Variants in DPP6 observed in about 807,000 individuals in gnomAD.
DPP6 encodes the protein A-type potassium channel modulatory protein DPP6.
In DPP6, 69 loss-of-function variants were observed where a neutral mutation model predicts 122.6. The observed-to-expected ratio is 0.56, with a 90% confidence interval of 0.46 to 0.69. The LOEUF (loss-of-function observed/expected upper bound fraction) is 0.69. Among genes scored for constraint, DPP6 ranks in the 30% least tolerant of loss-of-function variants. DPP6 has a pLI of 0.00. For synonymous variants in DPP6, 418 were observed against 433.1 expected (o/e 0.97, Z 0.43); for missense variants, 928 against 1,116.9 (o/e 0.83, Z 2.41).
chr7:154,683,005 C>T (rs1309981075), intron 7 of DPP6, among the ~76,000 whole-genome samples: 1 of 151,980 alleles, frequency 6.6e-6, no homozygotes, highest in African/African-American at 2.4e-5. Context: ...TGTGTAATAG[C>T]TCACATCTAG....
intron 1 of DPP6, among the ~76,000 whole-genome samples, chr7:153,985,463 G>A (rs977180423): frequency 7.9e-5 from 12 of 152,172 alleles, no homozygotes; most frequent in Non-Finnish European, 1.3e-4. Context: ...TGCTCCCCGG[G>A]TGGCCCAAGG....
intron 1 of DPP6, among the ~76,000 whole-genome samples, chr7:153,889,389 C>T (rs922338117): frequency 2.0e-5 from 3 of 152,188 alleles, no homozygotes; most frequent in Non-Finnish European, 4.4e-5. Flanking sequence ...TCATTCCTAA[C>T]TTACGTGATG....
chr7:154,339,799 G>A (rs1379788789), intron 1 of DPP6, among the ~76,000 whole-genome samples: 2 of 152,144 alleles, frequency 1.3e-5, no homozygotes, highest in African/African-American at 4.8e-5. Flanking sequence ...GGTTGGCTGG[G>A]CGTAGTGGCT....
At chr7:154,644,939 G>A (rs1364737591) in intron 6 of DPP6, among the ~76,000 whole-genome samples, 1 of 151,966 alleles carries the variant, frequency 6.6e-6, no homozygotes, top group Non-Finnish European at 1.5e-5. Flanking sequence ...TCGAACTCCT[G>A]AGCTCAGGCA....
At chr7:153,878,059 G>A in the DPP6 span, among the ~76,000 whole-genome samples, 56 of 152,184 alleles carry the variant, frequency 3.7e-4, no homozygotes, top group African/African-American at 3.6e-4. Flanking sequence ...CAAGATACCC[G>A]TATACCGTCA....
At position 154,086,544 on chromosome 7, in the gene DPP6, C is replaced by T. The variant is rs528324746; in HGVS notation, c.243+33481C>T. On this transcript the variant is annotated intron_variant, in intron 1 of 25. Coordinates refer to ENST00000377770, the MANE Select transcript of DPP6 (RefSeq NM_130797.4). ...CTACACGATGTTCCATTTCAGGGCT[C>T]GTTTCTGAGCATGGACCAGTTGCTA... 7.4e-4 allele frequency among the ~76,000 whole-genome samples: 111 copies of T among 150,264 alleles called. 1 individual carries two copies. In the Middle Eastern group the frequency reaches 0.01, roughly 14 times the overall value.
At chr7:153,853,131 T>C in the DPP6 span, among the ~76,000 whole-genome samples, 1 of 152,228 alleles carries the variant, frequency 6.6e-6, no homozygotes, top group Non-Finnish European at 1.5e-5. Flanking sequence ...AGGAATCAAA[T>C]GCATGGCTAT....
At chr7:154,016,450 A>C (rs1226280643) in intron 1 of DPP6, among the ~76,000 whole-genome samples, 1 of 151,964 alleles carries the variant, frequency 6.6e-6, no homozygotes, top group African/African-American at 2.4e-5. Flanking sequence ...TAGTAATAAA[A>C]CATCTCAATA....
chr7:154,597,623 T>A (rs1833178414), intron 5 of DPP6, among the ~76,000 whole-genome samples: 1 of 145,036 alleles, frequency 6.9e-6, no homozygotes, highest in African/African-American at 2.6e-5. Flanking sequence ...AAAAAAAAAA[T>A]TGAGTAGTAT....
intron 1 of DPP6, among the ~76,000 whole-genome samples, chr7:153,958,809 A>G (rs1358613481): frequency 6.6e-6 from 1 of 151,896 alleles, no homozygotes; most frequent in East Asian, 1.9e-4. Context: ...TGGGGTGTGT[A>G]GAGAGAGGCC....
intron 5 of DPP6, among the ~76,000 whole-genome samples, chr7:154,610,352 G>A (rs909486663): frequency 4.6e-5 from 7 of 152,102 alleles, no homozygotes; most frequent in African/African-American, 1.4e-4. Flanking sequence ...ATATCGATGG[G>A]GAGGCATTTC....
chr7:154,496,284 C>T (rs988297816), intron 3 of DPP6, among the ~76,000 whole-genome samples: 1 of 152,168 alleles, frequency 6.6e-6, no homozygotes, highest in South Asian at 2.1e-4. Flanking sequence ...GACTGCAAAT[C>T]TCCTGTCTAA....
intron 10 of DPP6, among the ~76,000 whole-genome samples, chr7:154,777,325 C>A (rs541099703): frequency 6.6e-6 from 1 of 152,220 alleles, no homozygotes; most frequent in African/African-American, 2.4e-5. Context: ...TCAGAAGGAT[C>A]CCGGGGCAAA....
chr7:154,324,883 T>TTTTTTG (rs1358698802), intron 1 of DPP6, among the ~76,000 whole-genome samples: 1 of 147,744 alleles, frequency 6.8e-6, no homozygotes. Flanking sequence ...TTTTTTTTTT[T>TTTTTTG]GAGTCTTGCT....
intron 1 of DPP6, among the ~76,000 whole-genome samples, chr7:154,187,298 G>T (rs1272134091): frequency 6.6e-6 from 1 of 152,194 alleles, no homozygotes; most frequent in Non-Finnish European, 1.5e-5. Context: ...GAGCACAGTT[G>T]TTTAAACAAA....
chr7:154,617,602 G>T (rs192411015), intron 5 of DPP6, among the ~76,000 whole-genome samples: 11 of 152,234 alleles, frequency 7.2e-5, no homozygotes, highest in African/African-American at 2.6e-4. Context: ...ATCCCTGCCC[G>T]TTGGTGACTG....
intron 1 of DPP6, among the ~76,000 whole-genome samples, chr7:153,961,363 C>T (rs752309973): frequency 1.3e-5 from 2 of 149,928 alleles, no homozygotes; most frequent in African/African-American, 2.5e-5. Context: ...TTTTTTTTAC[C>T]AGGGCCAGTC....
the DPP6 span, among the ~76,000 whole-genome samples, chr7:153,763,746 T>C: frequency 6.6e-6 from 1 of 152,212 alleles, no homozygotes; most frequent in Non-Finnish European, 1.5e-5. Flanking sequence ...AGGTGCAAGA[T>C]GGGAGAGACA....
chr7:154,558,482 T>C (rs1830197268), intron 4 of DPP6, among the ~76,000 whole-genome samples: 1 of 152,348 alleles, frequency 6.6e-6, no homozygotes, highest in African/African-American at 2.4e-5. Context: ...AATATAGTCA[T>C]GTGTCACATA....
Sources: gnomAD v4.1 joint callset for allele counts (sites outside exome capture counted in the v4.1 genomes callset) on GRCh38, gnomAD v4.1.1 for gene constraint, MANE v1.5 for transcripts, NCBI Gene and HGNC (gene_info 2026-07-23, HGNC 2026-07-21) for gene names.